The following CTH variants were observed in gnomAD, a reference collection of about 807,000 sequenced individuals.
CTH encodes cystathionine gamma-lyase.
In CTH, 41 loss-of-function variants were observed where a neutral mutation model predicts 50.6. That is an observed-to-expected ratio of 0.81 (90% confidence interval 0.63 to 1.05). The LOEUF is 1.05. CTH is among the 50% of genes least tolerant of loss of function. CTH has a pLI of 0.00. For missense variants in CTH, 470 were observed against 492.6 expected (o/e 0.95, Z 0.43); for synonymous variants, 156 against 168.9 (o/e 0.92, Z 0.59).
intron 2 of CTH, among the ~76,000 whole-genome samples, 196 bp downstream of exon 2, chr1:70,416,233 T>C (rs972484284): frequency 6.6e-6 from 1 of 152,084 alleles, no homozygotes; most frequent in Non-Finnish European, 1.5e-5. Context: ...AAAATACGTA[T>C]GAATAGAGGA....
At chr1:70,427,796 A>AC (rs1185568264) in intron 5 of CTH, among the ~76,000 whole-genome samples, 1 of 151,918 alleles carries the variant, frequency 6.6e-6, no homozygotes, top group Admixed American at 6.6e-5. Flanking sequence ...CACTGCAACC[A>AC]CCGCCTCCCC....
chr1:70,435,200 C>G (rs1484879680), intron 10 of CTH, 23 bp downstream of exon 10: 1 of 1,605,444 alleles, frequency 6.2e-7, no homozygotes, highest in Non-Finnish European at 8.5e-7. Flanking sequence ...CTGTTTTTCT[C>G]AGTATTTTAA....
At chr1:70,426,956 A>G (rs947685574) in intron 5 of CTH, among the ~76,000 whole-genome samples, 1 of 152,180 alleles carries the variant, frequency 6.6e-6, no homozygotes, top group Non-Finnish European at 1.5e-5. Flanking sequence ...TGTCACTAAC[A>G]TAGGTCTAGT....
intron 8 of CTH, among the ~76,000 whole-genome samples, chr1:70,433,520 A>G (rs1684526440): frequency 6.6e-6 from 1 of 152,254 alleles, no homozygotes; most frequent in South Asian, 2.1e-4. Context: ...TAAGACAGAT[A>G]CTAAGCAAGA....
At position 70,429,090 on chromosome 1, in the gene CTH, C is replaced by A. The variant is rs535515474; in HGVS notation, c.589-704C>A. On this transcript the variant is annotated intron_variant, in intron 5 of 11. Transcript: ENST00000370938. ...AGTGAGCCATTCTCCAACTCCCAGC[C>A]GTCTAGATTTCTTGTAATACCTAAT... 2.0e-5 allele frequency among the ~76,000 whole-genome samples: 3 copies of A among 152,172 alleles called. No homozygotes were observed. In the South Asian group the frequency reaches 6.2e-4, roughly 32 times the overall value.
At chr1:70,416,301 C>T (rs56181963) in intron 2 of CTH, among the ~76,000 whole-genome samples, 3 of 152,096 alleles carry the variant, frequency 2.0e-5, no homozygotes, top group African/African-American at 7.2e-5. Context: ...CTACATTTAT[C>T]ATGTAGTATT....
intron 9 of CTH, 135 bp downstream of exon 9, chr1:70,434,084 C>A (rs766462507): frequency 6.8e-7 from 1 of 1,472,794 alleles, no homozygotes; most frequent in Admixed American, 2.0e-5. Context: ...TCATGAAATG[C>A]ATTGGGTTGA....
intron 5 of CTH, among the ~76,000 whole-genome samples, chr1:70,428,154 C>T (rs978866889): frequency 1.3e-5 from 2 of 152,130 alleles, no homozygotes; most frequent in African/African-American, 2.4e-5. Flanking sequence ...AGCATGATCT[C>T]ATTCATGTGT....
chr1:70,413,259 C>CTTTTTTTTTTTT (rs11295998), intron 1 of CTH, among the ~76,000 whole-genome samples: 3 of 139,186 alleles, frequency 2.2e-5, no homozygotes, highest in African/African-American at 5.3e-5. Flanking sequence ...TTCTTTCTTT[C>CTTTTTTTTTTTT]TTTTTTTTTT....
Position 70,411,323 on chromosome 1 carries a change from C to T in CTH, c.-93C>T, listed in dbSNP as rs943916330. 7.5e-7 allele frequency: 1 copy of T among 1,328,578 alleles called. No individual in the cohort carries two copies. Among genetic ancestry groups the T allele is most frequent in the Admixed American group, 1.7e-5 (1 of 59,656 alleles). 82.3% of individuals were successfully genotyped at this position (1,328,578 alleles called of 1,614,324 possible). On this transcript the variant is annotated 5_prime_UTR_variant, in exon 1 of 12. Transcript: ENST00000370938. ...CCTGCGTGCTTTAGCTCCTTCTCGC[C>T]TGATCCTTCTGTCTCTCCCAACCCC...
At chr1:70,414,240 G>T (rs1483406440) in intron 1 of CTH, among the ~76,000 whole-genome samples, 2 of 151,672 alleles carry the variant, frequency 1.3e-5, no homozygotes, top group African/African-American at 4.8e-5. Context: ...CAGGTTGGGC[G>T]CGGTGGCTCA....
chr1:70,433,346 T>G (rs997467040), intron 8 of CTH, among the ~76,000 whole-genome samples: 4 of 152,180 alleles, frequency 2.6e-5, no homozygotes, highest in Non-Finnish European at 5.9e-5. Flanking sequence ...AGCTATGCCA[T>G]GAAGAATGGG....
At chr1:70,416,773 C>T (rs1684102246) in intron 2 of CTH, among the ~76,000 whole-genome samples, 2 of 151,776 alleles carry the variant, frequency 1.3e-5, no homozygotes, top group African/African-American at 4.8e-5. Flanking sequence ...CCATGTTGGC[C>T]AGGCTGGTCT....
At chr1:70,420,880 G>T (rs546190714) in intron 3 of CTH, among the ~76,000 whole-genome samples, 1 of 152,050 alleles carries the variant, frequency 6.6e-6, no homozygotes, top group South Asian at 2.1e-4. Context: ...ATTACCTAGG[G>T]TCAGTCTACA....
chr1:70,436,730 TTA>T (rs1462704412), intron 10 of CTH, among the ~76,000 whole-genome samples: 1 of 152,308 alleles, frequency 6.6e-6, no homozygotes, highest in Non-Finnish European at 1.5e-5. Context: ...CAGATTTTTG[TTA>T]GTCTTTCCGG....
chr1:70,412,833 T>C (rs934061969), intron 1 of CTH, among the ~76,000 whole-genome samples: 1 of 152,194 alleles, frequency 6.6e-6, no homozygotes, highest in African/African-American at 2.4e-5. Context: ...TTTTTCATGA[T>C]GTTCACATTT....
In CTH at chr1:70,430,404, A is replaced by G. The variant is rs763424314; in HGVS notation, c.724+10A>G. On this transcript the variant is annotated intron_variant, in intron 7 of 11. Transcript: ENST00000370938. ...CGTTTCTTGCAAAACTGTAAGTATT[A>G]AAAAGTGCAGGTTCCCTATGACACT... The G allele has an allele frequency of 1.0e-5, 15 of 1,435,034 alleles. No individual in the cohort carries two copies. The African/African-American group carries it at 1.5e-4, about 15-fold the overall frequency. The allele number at this position is 1,435,034 out of a possible 1,614,324, so 88.9% of individuals were successfully genotyped here. A position where few individuals can be genotyped will look rare whatever the true frequency, so the allele number is the denominator to read the frequency against.
chr1:70,415,756 C>T (rs567961795), intron 1 of CTH, among the ~76,000 whole-genome samples, 200 bp from the exon 2 acceptor site: 2 of 152,188 alleles, frequency 1.3e-5, no homozygotes, highest in African/African-American at 4.8e-5. Flanking sequence ...GTGGCAGATA[C>T]AGAATTCACA....
Position 70,424,402 on chromosome 1 carries a change from T to C in CTH, c.574T>C (p.Ser192Pro), listed in dbSNP as rs1382936846. The C allele has an allele frequency of 6.2e-7, 1 of 1,614,154 alleles. No homozygotes were observed. ...TTTGGTCGTGGATAACACTTTTATG[T>C]CACCATATTTCCAGGTAAATGAAAA... ...IILVVDNTFM[S>P]PYFQRPLALG... is the part of the protein sequence containing the mutation. The change falls in exon 5 of 12, where the codon TCA becomes CCA. Residue 192 changes from serine (S) to proline (P), a missense_variant. Coordinates refer to ENST00000370938, the MANE Select transcript of CTH (RefSeq NM_001902.6).
Sources: gnomAD v4.1 joint callset for allele counts (sites outside exome capture counted in the v4.1 genomes callset) on GRCh38, gnomAD v4.1.1 for gene constraint, MANE v1.5 for transcripts, NCBI Gene and HGNC (gene_info 2026-07-23, HGNC 2026-07-21) for gene names.